Variants in RIMS2 observed in about 807,000 individuals in gnomAD.
RIMS2 encodes regulating synaptic membrane exocytosis protein 2.
Under a neutral mutation model 174.4 loss-of-function variants are expected in RIMS2, and 59 were observed. The observed-to-expected ratio is 0.34, with a 90% CI of 0.27 to 0.42. The LOEUF is 0.42. Among genes scored for constraint, RIMS2 ranks in the 10% least tolerant of loss-of-function variants. RIMS2 has a pLI of 1.00. For synonymous variants in RIMS2, 606 were observed against 572.5 expected (o/e 1.06, Z -0.84); for missense variants, 1,620 against 1,666.3 (o/e 0.97, Z 0.48).
rs1419248829 is a variant in RIMS2, at chr8:104,238,721, T to G, written c.3335-6195T>G. Among the ~76,000 whole-genome samples the G allele has an allele frequency of 2.6e-5, 4 of 152,306 alleles. No homozygotes were observed. In the East Asian group the frequency reaches 7.7e-4, roughly 29 times the overall value. ...AGGGAGTGCATAAACTACATAGATA[T>G]ACTGGATACCCAAGATTGCTTCCTA... is the stretch of plus-strand genomic sequence containing the variant. On this transcript the variant is annotated intron_variant, in intron 19 of 23. Coordinates refer to ENST00000504942, the Ensembl canonical transcript of RIMS2.
At chr8:103,863,273 A>G (rs981676365) in intron 3 of RIMS2, among the ~76,000 whole-genome samples, 2 of 152,040 alleles carry the variant, frequency 1.3e-5, no homozygotes, top group Non-Finnish European at 2.9e-5. Context: ...ACATTTATTG[A>G]GTTGCTTATA....
At chr8:104,027,605 CT>C (rs2096283094) in intron 19 of RIMS2, among the ~76,000 whole-genome samples, 1 of 151,632 alleles carries the variant, frequency 6.6e-6, no homozygotes, top group Admixed American at 6.6e-5. Flanking sequence ...GTTCTTGAAA[CT>C]TTGCCTCAGG....
intron 1 of RIMS2, among the ~76,000 whole-genome samples, chr8:103,534,486 C>G (rs1355609231): frequency 6.6e-6 from 1 of 152,194 alleles, no homozygotes; most frequent in Non-Finnish European, 1.5e-5. Flanking sequence ...AGAGAAGTCT[C>G]AAACTCAATT....
intron 1 of RIMS2, among the ~76,000 whole-genome samples, chr8:103,595,276 C>T (rs2094441027): frequency 6.6e-6 from 1 of 151,562 alleles, no homozygotes; most frequent in South Asian, 2.1e-4. Context: ...GCAATTAATC[C>T]TCATCATATA....
At chr8:103,661,567 G>C (rs908621952) in intron 1 of RIMS2, among the ~76,000 whole-genome samples, 1 of 152,028 alleles carries the variant, frequency 6.6e-6, no homozygotes, top group Non-Finnish European at 1.5e-5. Flanking sequence ...GCAGTGGCGT[G>C]ATCTTGGCTC....
intron 17 of RIMS2, among the ~76,000 whole-genome samples, chr8:103,989,913 G>A (rs1297580872): frequency 1.3e-5 from 2 of 152,070 alleles, no homozygotes; most frequent in Non-Finnish European, 2.9e-5. Flanking sequence ...TTTTCCTCAT[G>A]GCTTTCAGTA....
chr8:104,191,142 T>C (rs1319755473), intron 19 of RIMS2, among the ~76,000 whole-genome samples: 4 of 152,060 alleles, frequency 2.6e-5, no homozygotes, highest in Non-Finnish European at 5.9e-5. Flanking sequence ...CAAAAATTTA[T>C]TTTATTGCAA....
chr8:104,142,547 A>AT (rs965423507), intron 19 of RIMS2, among the ~76,000 whole-genome samples: 1 of 152,280 alleles, frequency 6.6e-6, no homozygotes, highest in African/African-American at 2.4e-5. Flanking sequence ...ATATATTGGA[A>AT]TTTTTGGCAT....
At chr8:103,788,491 A>T (rs1213515427) in intron 3 of RIMS2, among the ~76,000 whole-genome samples, 5 of 149,122 alleles carry the variant, frequency 3.4e-5, no homozygotes, top group African/African-American at 1.2e-4. Context: ...CTTCTAACAG[A>T]CAGGACCCTC....
intron 19 of RIMS2, among the ~76,000 whole-genome samples, chr8:104,206,836 T>A (rs1360112483): frequency 6.6e-6 from 1 of 152,242 alleles, no homozygotes; most frequent in Non-Finnish European, 1.5e-5. Context: ...AGGCCTAGCT[T>A]CCAGAGAGTT....
intron 19 of RIMS2, among the ~76,000 whole-genome samples, chr8:104,138,321 T>C (rs1422978986): frequency 6.6e-6 from 1 of 152,170 alleles, no homozygotes; most frequent in Non-Finnish European, 1.5e-5. Flanking sequence ...AATATGGTAG[T>C]TCTGTTTTTA....
chr8:103,819,769 GCATTCT>G, intron 3 of RIMS2: 1 of 583,656 alleles, frequency 1.7e-6, no homozygotes, highest in Non-Finnish European at 2.8e-6. Flanking sequence ...ATTTTATATA[GCATTCT>G]TAATTTGATT....
intron 19 of RIMS2, among the ~76,000 whole-genome samples, chr8:104,039,868 G>A (rs1408585154): frequency 6.6e-6 from 1 of 151,278 alleles, no homozygotes; most frequent in East Asian, 1.9e-4. Flanking sequence ...TTTTTTCTAG[G>A]GGTTAATCCT....
rs977517088 is a variant in RIMS2, at chr8:103,602,367, A to G, written c.177-94719A>G. On this transcript the variant is annotated intron_variant, in intron 1 of 23. Transcript: ENST00000504942. ...TTTTTATATAGGTAAACTGCATGTC[A>G]TGGGGGTTTGTTGTACAGATTATTT... is the stretch of plus-strand genomic sequence containing the variant. Among the ~76,000 whole-genome samples, 4 of 152,196 alleles carry G rather than the reference A, an allele frequency of 2.6e-5. No individual in the cohort carries two copies. In the East Asian group the frequency reaches 7.7e-4, roughly 29 times the overall value.
At chr8:103,823,871 A>G (rs1482990207) in intron 3 of RIMS2, among the ~76,000 whole-genome samples, 1 of 152,040 alleles carries the variant, frequency 6.6e-6, no homozygotes, top group Non-Finnish European at 1.5e-5. Context: ...AGTCTGTGTT[A>G]TGAGGTATAA....
intron 2 of RIMS2, among the ~76,000 whole-genome samples, chr8:103,733,912 G>A (rs953907459): frequency 5.9e-5 from 9 of 151,336 alleles, no homozygotes; most frequent in East Asian, 3.9e-4. Flanking sequence ...TTTTATGATC[G>A]TGTTTTTTGT....
intron 19 of RIMS2, among the ~76,000 whole-genome samples, chr8:104,074,596 T>C (rs1198841230): frequency 2.0e-5 from 3 of 152,162 alleles, no homozygotes; most frequent in Admixed American, 2.0e-4. Flanking sequence ...ATGTTCCCTT[T>C]ACTCTCAAAT....
At chr8:104,116,378 A>C (rs1315467787) in intron 19 of RIMS2, among the ~76,000 whole-genome samples, 1 of 152,182 alleles carries the variant, frequency 6.6e-6, no homozygotes, top group Non-Finnish European at 1.5e-5. Context: ...CTAATTATAG[A>C]AATGTTAAAT....
At chr8:104,158,594 C>G (rs1258994388) in intron 19 of RIMS2, among the ~76,000 whole-genome samples, 1 of 152,162 alleles carries the variant, frequency 6.6e-6, no homozygotes, top group Non-Finnish European at 1.5e-5. Context: ...GCCATTCTAA[C>G]TGGAGTGAGA....
Sources: gnomAD v4.1 joint callset for allele counts (sites outside exome capture counted in the v4.1 genomes callset) on GRCh38, gnomAD v4.1.1 for gene constraint, MANE v1.5 for transcripts, NCBI Gene and HGNC (gene_info 2026-07-23, HGNC 2026-07-21) for gene names.